MATK: variants seen among roughly 807,000 people sequenced by gnomAD.
MATK encodes the protein megakaryocyte-associated tyrosine-protein kinase.
A neutral mutation model predicts 59.8 loss-of-function variants in MATK; 41 were observed. That is an observed-to-expected ratio of 0.69 (90% CI 0.53 to 0.89). MATK has a LOEUF of 0.89. Ranked by LOEUF, MATK falls within the 40% of genes least tolerant of loss-of-function variation. The pLI is 0.00. For missense variants in MATK, 593 were observed against 719.6 expected (o/e 0.82, Z 2.01); for synonymous variants, 308 against 306.1 (o/e 1.01, Z -0.06).
upstream of MATK, among the ~76,000 whole-genome samples, chr19:3,787,053 G>C (rs2037494405): frequency 6.6e-6 from 1 of 152,194 alleles, no homozygotes; most frequent in South Asian, 2.1e-4. Context: ...ACAGGGCCCT[G>C]GCCCCCAGCG....
chr19:3,778,971 G>T, intron 12 of MATK, 21 bp downstream of exon 12: 1 of 1,525,902 alleles, frequency 6.6e-7, no homozygotes, highest in Non-Finnish European at 8.7e-7. Context: ...AGCCCCAGGG[G>T]TATGTGAAGG....
intron 1 of MATK, among the ~76,000 whole-genome samples, chr19:3,794,609 T>G (rs1228449653): frequency 6.6e-6 from 1 of 152,074 alleles, no homozygotes; most frequent in Non-Finnish European, 1.5e-5. Context: ...CAGCTATGAT[T>G]ATGCTACTGC....
chr19:3,782,856 GA>G (rs1168904525), intron 7 of MATK: 2 of 504,610 alleles, frequency 4.0e-6, no homozygotes, highest in Non-Finnish European at 7.1e-6. Flanking sequence ...AATGCTGGAG[GA>G]TGGGGTGGGT....
intron 1 of MATK, among the ~76,000 whole-genome samples, chr19:3,798,801 C>T (rs921744088): frequency 1.3e-5 from 2 of 150,616 alleles, no homozygotes; most frequent in Admixed American, 6.6e-5. Context: ...CGTGAGCCAC[C>T]GTGCCCGGCC....
chr19:3,782,631 G>A (rs2037417301), intron 7 of MATK, among the ~76,000 whole-genome samples: 1 of 152,224 alleles, frequency 6.6e-6, no homozygotes, highest in Admixed American at 6.5e-5. Context: ...AGGCCATGCA[G>A]GCAGGTTCTG....
chr19:3,799,014 AG>A (rs1363343880), intron 1 of MATK, among the ~76,000 whole-genome samples: 1 of 147,558 alleles, frequency 6.8e-6, no homozygotes, highest in East Asian at 2.0e-4. Flanking sequence ...TATGTTGCCC[AG>A]GCTGGTCTCA....
chr19:3,792,215 C>T (rs913910818), intron 1 of MATK, among the ~76,000 whole-genome samples: 7 of 152,174 alleles, frequency 4.6e-5, no homozygotes, highest in Admixed American at 6.5e-5. Context: ...CCTGTAGACT[C>T]CCCTGATTGG....
In MATK at chr19:3,784,038, G is replaced by A. The variant is rs371820929; in HGVS notation, c.363-5C>T. The A allele has an allele frequency of 2.7e-5, 43 of 1,601,122 alleles. No homozygotes were observed. Among genetic ancestry groups the A allele is most frequent in the Admixed American group, 1.0e-4 (6 of 59,066 alleles). ...GAGATCTTCCCGTGGAACCACCTGC[G>A]GCCACGGAAGGGGTGGGTCAGACTG... is the stretch of plus-strand genomic sequence containing the variant. On this transcript the variant is annotated splice_polypyrimidine_tract_variant and splice_region_variant and intron_variant, in intron 5 of 13. Coordinates refer to ENST00000310132, the MANE Select transcript of MATK (RefSeq NM_139355.3).
chr19:3,801,007 C>T (rs190763736), intron 1 of MATK, among the ~76,000 whole-genome samples: 2 of 152,200 alleles, frequency 1.3e-5, no homozygotes, highest in East Asian at 1.9e-4. Context: ...TTACAGGTGC[C>T]CACCACCACG....
chr19:3,786,190 G>A lies in MATK; in HGVS notation c.-173C>T. 2 of 982,650 alleles carry A rather than the reference G, an allele frequency of 2.0e-6. No individual in the cohort carries two copies. Among genetic ancestry groups the A allele is most frequent in the Non-Finnish European group, 2.4e-6 (2 of 827,730 alleles). 60.9% of individuals were successfully genotyped at this position (982,650 alleles called of 1,614,324 possible). ...TCACCTGCTCAGGGGGCGCCCCCGA[G>A]CCGCGCCCCGCGCCCGCCCCCAGGA... is the stretch of plus-strand genomic sequence containing the variant. On this transcript the variant is annotated 5_prime_UTR_variant, in exon 1 of 14. Transcript: ENST00000310132. This position sits in a 1 kb window ranked among gnomAD's most constrained non-coding sequence, Gnocchi z 4.1.
chr19:3,781,058 ACAAAT>A (rs1274900617), intron 8 of MATK, among the ~76,000 whole-genome samples: 5 of 152,194 alleles, frequency 3.3e-5, no homozygotes, highest in Admixed American at 1.3e-4. Context: ...GGTTGTAAAA[ACAAAT>A]CAAAAGATGA....
At chr19:3,800,807 T>C (rs1224369438) in intron 1 of MATK, among the ~76,000 whole-genome samples, 1 of 152,236 alleles carries the variant, frequency 6.6e-6, no homozygotes, top group Non-Finnish European at 1.5e-5. Flanking sequence ...TAAAAACATT[T>C]ATGTGGAAAA....
chr19:3,797,798 T>A (rs1487916668), intron 1 of MATK, among the ~76,000 whole-genome samples: 1 of 152,002 alleles, frequency 6.6e-6, no homozygotes, highest in African/African-American at 2.4e-5. Flanking sequence ...TCCCAGCACT[T>A]TAGGAGTCTG....
upstream of MATK, among the ~76,000 whole-genome samples, chr19:3,788,315 C>A (rs1045558626): frequency 6.6e-6 from 1 of 150,486 alleles, no homozygotes; most frequent in Admixed American, 6.6e-5. Flanking sequence ...GTGGTGATAC[C>A]CCGTCTCTAC....
chr19:3,792,367 G>A (rs1358055143), intron 1 of MATK, among the ~76,000 whole-genome samples: 3 of 152,134 alleles, frequency 2.0e-5, no homozygotes, highest in Non-Finnish European at 2.9e-5. Context: ...GTTGGGATTG[G>A]CTGGCTGGGA....
Position 3,786,206 on chromosome 19 carries a change from G to A in MATK, c.-189C>T. 16 of 983,556 alleles carry A rather than the reference G, an allele frequency of 1.6e-5. No homozygotes were observed. Among genetic ancestry groups the A allele is most frequent in the Non-Finnish European group, 1.9e-5 (16 of 828,406 alleles). The allele number at this position is 983,556 out of a possible 1,614,324, so 60.9% of individuals were successfully genotyped here. On this transcript the variant is annotated 5_prime_UTR_variant, in exon 1 of 14. Coordinates refer to ENST00000310132, the MANE Select transcript of MATK (RefSeq NM_139355.3). The surrounding 1 kb of genome is among the most constrained non-coding windows in gnomAD (Gnocchi z 4.1). ...CGCCCCCGAGCCGCGCCCCGCGCCC[G>A]CCCCCAGGAGGGCCTCCGCGAGCCG...
chr19:3,779,648 G>A (rs897573347), intron 9 of MATK, 31 bp from the exon 10 acceptor site: 1 of 1,610,232 alleles, frequency 6.2e-7, no homozygotes, highest in Non-Finnish European at 8.5e-7. Context: ...GTGAGGGCAG[G>A]GCTGGGACCC....
upstream of MATK, among the ~76,000 whole-genome samples, chr19:3,791,117 G>C (rs1456046431): frequency 6.6e-6 from 1 of 152,074 alleles, no homozygotes; most frequent in African/African-American, 2.4e-5. Flanking sequence ...CAATCAAAGG[G>C]ATTCTTAATA....
At chr19:3,784,587 C>T (rs567723257) in intron 3 of MATK, 136 bp from the exon 4 acceptor site, 14 of 666,888 alleles carry the variant, frequency 2.1e-5, no homozygotes, top group South Asian at 5.5e-5. Context: ...AGAAAACAGA[C>T]GCAGACATCG....
Sources: gnomAD v4.1 joint callset for allele counts (sites outside exome capture counted in the v4.1 genomes callset) on GRCh38, gnomAD v4.1.1 for gene constraint, Gnocchi (gnomAD v3.1) non-coding constraint, MANE v1.5 for transcripts, NCBI Gene and HGNC (gene_info 2026-07-23, HGNC 2026-07-21) for gene names.